PDE11A: variants seen among roughly 807,000 people sequenced by gnomAD.
PDE11A encodes the protein phosphodiesterase 11A, also known as dual 3',5'-cyclic-AMP and -GMP phosphodiesterase 11A.
In PDE11A, 100 loss-of-function variants were observed where a neutral mutation model predicts 100.5. The observed-to-expected ratio is 1.00, with a 90% CI of 0.85 to 1.18. The LOEUF is 1.18. Among genes scored for constraint, PDE11A ranks in the 50% most tolerant of loss-of-function variants. The pLI, the probability that PDE11A is intolerant of heterozygous loss-of-function variation, is 0.00. For synonymous variants in PDE11A, 381 were observed against 420.8 expected, an observed-to-expected ratio of 0.91 and a Z score of 1.16; for missense variants, 1,141 against 1,152.6, an observed-to-expected ratio of 0.99 and a Z score of 0.15.
intron 1 of PDE11A, among the ~76,000 whole-genome samples, chr2:178,016,131 A>C (rs1320068215): frequency 1.2e-5 from 1 of 83,744 alleles, no homozygotes; most frequent in Non-Finnish European, 2.1e-5. Flanking sequence ...TGCCTGGCTA[A>C]TTTTTTTTTT....
chr2:177,779,422 T>C (rs1373516637), intron 9 of PDE11A, among the ~76,000 whole-genome samples: 1 of 152,242 alleles, frequency 6.6e-6, no homozygotes, highest in Non-Finnish European at 1.5e-5. Flanking sequence ...ACAATGCTGC[T>C]TGATAGCATT....
intron 6 of PDE11A, among the ~76,000 whole-genome samples, chr2:177,832,223 T>A (rs1371849646): frequency 6.6e-6 from 1 of 152,218 alleles, no homozygotes; most frequent in African/African-American, 2.4e-5. Context: ...AAAGTATTGA[T>A]CCTAGGTGTG....
At chr2:177,853,888 G>A (rs918764695) in intron 5 of PDE11A, among the ~76,000 whole-genome samples, 2 of 140,214 alleles carry the variant, frequency 1.4e-5, no homozygotes, top group African/African-American at 5.5e-5. Flanking sequence ...ATCTATATAT[G>A]TGTATAGATA....
intron 1 of PDE11A, among the ~76,000 whole-genome samples, chr2:178,056,004 G>T (rs2086895523): frequency 6.6e-6 from 1 of 152,020 alleles, no homozygotes; most frequent in Non-Finnish European, 1.5e-5. Context: ...AGATATTAAG[G>T]TTCTGTGTAG....
chr2:177,993,899 T>C (rs927823005), intron 2 of PDE11A, among the ~76,000 whole-genome samples: 1 of 151,796 alleles, frequency 6.6e-6, no homozygotes, highest in African/African-American at 2.4e-5. Flanking sequence ...AGTTAATATA[T>C]ATGTATATAT....
intron 13 of PDE11A, among the ~76,000 whole-genome samples, chr2:177,705,370 A>T (rs983189986): frequency 6.6e-6 from 1 of 152,232 alleles, no homozygotes; most frequent in African/African-American, 2.4e-5. Context: ...ATATGATTAT[A>T]TATACATAGG....
In PDE11A at chr2:177,866,718, G is replaced by C. The variant is rs16865862; in HGVS notation, c.1367+9141C>G. On this transcript the variant is annotated intron_variant, in intron 5 of 19. Coordinates refer to ENST00000286063, the MANE Select transcript of PDE11A (RefSeq NM_016953.4). Reference sequence around the variant, plus strand: ...GCTTGTACTAAACAGATGTATAAAAGACTTACATAAACAAACTACTCTCCA... The same window carrying C: ...GCTTGTACTAAACAGATGTATAAAACACTTACATAAACAAACTACTCTCCA... 7.3e-3 allele frequency among the ~76,000 whole-genome samples: 1,105 copies of C among 152,290 alleles called. 13 individuals carry two copies. The highest frequency in any genetic ancestry group is 0.025 in the African/African-American group (1,029 of 41,570).
At chr2:177,863,905 A>G (rs2083986019) in intron 5 of PDE11A, among the ~76,000 whole-genome samples, 1 of 152,140 alleles carries the variant, frequency 6.6e-6, no homozygotes, top group South Asian at 2.1e-4. Context: ...TCATTGCAGC[A>G]TTATTCACAA....
At chr2:177,962,513 C>A (rs1184625943) in intron 2 of PDE11A, among the ~76,000 whole-genome samples, 1 of 152,056 alleles carries the variant, frequency 6.6e-6, no homozygotes, top group Non-Finnish European at 1.5e-5. Flanking sequence ...GTGTTAATCA[C>A]ATGAGATTCT....
intron 9 of PDE11A, among the ~76,000 whole-genome samples, chr2:177,806,065 A>C (rs1268093978): frequency 1.3e-5 from 2 of 152,204 alleles, no homozygotes; most frequent in Non-Finnish European, 2.9e-5. Flanking sequence ...GCAATTTTTC[A>C]AATGATAGTA....
intron 6 of PDE11A, among the ~76,000 whole-genome samples, chr2:177,825,004 C>T (rs376643114): frequency 3.4e-4 from 52 of 152,190 alleles, no homozygotes; most frequent in African/African-American, 1.2e-3. Flanking sequence ...GATAATTTGT[C>T]CATAAGGGAA....
chr2:177,699,004 T>C (rs2081158527), intron 14 of PDE11A, among the ~76,000 whole-genome samples: 4 of 152,196 alleles, frequency 2.6e-5, no homozygotes, highest in Non-Finnish European at 1.5e-5. Flanking sequence ...AACATTGAGA[T>C]ATGAAGAAAT....
At chr2:178,023,321 AAC>A (rs1315297682) in intron 1 of PDE11A, among the ~76,000 whole-genome samples, 1 of 152,204 alleles carries the variant, frequency 6.6e-6, no homozygotes, top group Admixed American at 6.5e-5. Flanking sequence ...GCCCCAAAAA[AAC>A]ACACTTTAGA....
At chr2:177,993,936 ATTTT>A in intron 2 of PDE11A, among the ~76,000 whole-genome samples, 1 of 141,020 alleles carries the variant, frequency 7.1e-6, no homozygotes. Context: ...GCAAATGTAA[ATTTT>A]TTTTTTTTTT....
chr2:177,750,499 G>A (rs938889272), intron 10 of PDE11A, among the ~76,000 whole-genome samples: 3 of 152,202 alleles, frequency 2.0e-5, no homozygotes, highest in Non-Finnish European at 4.4e-5. Flanking sequence ...ACAGAACATG[G>A]CCACTGGTGG....
intron 5 of PDE11A, among the ~76,000 whole-genome samples, chr2:177,851,551 A>G (rs1298080523): frequency 1.3e-5 from 2 of 152,198 alleles, no homozygotes; most frequent in Non-Finnish European, 2.9e-5. Context: ...TAAAAATAAA[A>G]GAAGTGTGGG....
chr2:178,029,704 C>CA (rs1482247396), intron 1 of PDE11A, among the ~76,000 whole-genome samples: 1 of 152,100 alleles, frequency 6.6e-6, no homozygotes, highest in African/African-American at 2.4e-5. Flanking sequence ...CAATTGAAGA[C>CA]AATTCAATAT....
chr2:177,768,484 T>C (rs1263973063), intron 10 of PDE11A, among the ~76,000 whole-genome samples: 1 of 152,186 alleles, frequency 6.6e-6, no homozygotes, highest in Non-Finnish European at 1.5e-5. Context: ...CCTGATAATT[T>C]TCTGAACTGC....
intron 12 of PDE11A, among the ~76,000 whole-genome samples, chr2:177,718,464 C>T (rs560726277): frequency 4.6e-5 from 7 of 152,158 alleles, no homozygotes; most frequent in South Asian, 2.1e-4. Context: ...CTTTATTTCA[C>T]GAAGGACGTT....
Sources: allele counts gnomAD v4.1 joint callset (sites outside exome capture counted in the v4.1 genomes callset), GRCh38; gene constraint gnomAD v4.1.1; transcripts MANE v1.5; gene names NCBI Gene and HGNC (gene_info 2026-07-23, HGNC 2026-07-21).